SLC2A13: variants seen among roughly 807,000 people sequenced by gnomAD.
SLC2A13 encodes the protein solute carrier family 2 member 13.
In SLC2A13, 32 loss-of-function variants were observed where a neutral mutation model predicts 64.4. The observed-to-expected ratio is 0.50, with a 90% confidence interval of 0.37 to 0.67. SLC2A13 has a LOEUF of 0.67. Among genes scored for constraint, SLC2A13 ranks in the 30% least tolerant of loss-of-function variants. The probability of loss-of-function intolerance (pLI) is 0.00; values close to 1 mark genes in which losing one functional copy is unlikely to be tolerated. For missense variants in SLC2A13, 743 were observed against 829.2 expected (o/e 0.90, Z 1.28); for synonymous variants, 338 against 327.1 (o/e 1.03, Z -0.36).
At chr12:39,784,103 T>C (rs1024663777) in intron 7 of SLC2A13, among the ~76,000 whole-genome samples, 1 of 152,230 alleles carries the variant, frequency 6.6e-6, no homozygotes, top group African/African-American at 2.4e-5. Context: ...GAACATTCCA[T>C]GCTCATGGAT....
At chr12:39,775,315 T>C (rs1308579676) in intron 7 of SLC2A13, among the ~76,000 whole-genome samples, 1 of 152,236 alleles carries the variant, frequency 6.6e-6, no homozygotes, top group Non-Finnish European at 1.5e-5. Context: ...CGTAAGTTAC[T>C]TTCATTTTGG....
At chr12:40,075,669 G>A (rs1938142760) in intron 1 of SLC2A13, among the ~76,000 whole-genome samples, 1 of 152,094 alleles carries the variant, frequency 6.6e-6, no homozygotes, top group African/African-American at 2.4e-5. Flanking sequence ...TTCAGGCCTT[G>A]TATCTTTAAA....
At chr12:39,868,956 A>G (rs1456482328) in intron 5 of SLC2A13, among the ~76,000 whole-genome samples, 3 of 152,232 alleles carry the variant, frequency 2.0e-5, no homozygotes, top group African/African-American at 4.8e-5. Flanking sequence ...TCATCTTGAT[A>G]TAACATTTTT....
At chr12:39,778,098 T>C (rs576618339) in intron 7 of SLC2A13, among the ~76,000 whole-genome samples, 1 of 152,040 alleles carries the variant, frequency 6.6e-6, no homozygotes, top group East Asian at 1.9e-4. Flanking sequence ...CCCCTAGAGG[T>C]TTGAGCAGCA....
intron 3 of SLC2A13, among the ~76,000 whole-genome samples, chr12:39,965,130 C>A (rs1946485450): frequency 6.6e-6 from 1 of 152,148 alleles, no homozygotes; most frequent in Non-Finnish European, 1.5e-5. Flanking sequence ...TAACACAGTT[C>A]TATGTATTCC....
chr12:39,784,520 A>C (rs1303376861), intron 7 of SLC2A13, among the ~76,000 whole-genome samples: 2 of 152,244 alleles, frequency 1.3e-5, no homozygotes, highest in African/African-American at 4.8e-5. Flanking sequence ...CTCGCTAGCC[A>C]TATGTAGAAA....
intron 6 of SLC2A13, among the ~76,000 whole-genome samples, chr12:39,830,645 C>T (rs1025777576): frequency 6.6e-6 from 1 of 152,076 alleles, no homozygotes; most frequent in Non-Finnish European, 1.5e-5. Context: ...CCTCATACAC[C>T]ATCTATTTTA....
chr12:39,934,882 G>A (rs7969011), intron 4 of SLC2A13, among the ~76,000 whole-genome samples: 9,068 of 152,150 alleles, frequency 0.06, 442 homozygotes, highest in East Asian at 0.26. Context: ...TTCTCTTCCT[G>A]CCATGAATGG....
At chr12:40,094,886 G>A (rs570254870) in intron 1 of SLC2A13, among the ~76,000 whole-genome samples, 1 of 152,294 alleles carries the variant, frequency 6.6e-6, no homozygotes, top group East Asian at 1.9e-4. Flanking sequence ...TAGGAGACAG[G>A]GAGAGGCCTT....
intron 4 of SLC2A13, among the ~76,000 whole-genome samples, chr12:39,912,738 G>C (rs1945451327): frequency 6.6e-6 from 1 of 152,006 alleles, no homozygotes; most frequent in African/African-American, 2.4e-5. Context: ...CCATAGTGTG[G>C]GGCCATTGCC....
rs1448363631 is a variant in SLC2A13 at position 39,799,079 on chromosome 12, TC to T, written c.1445+31023del. On this transcript the variant is annotated intron_variant, in intron 7 of 9. Coordinates refer to ENST00000280871, the MANE Select transcript of SLC2A13 (RefSeq NM_052885.4). Reference sequence around the variant, plus strand: ...TTACTGTTCTGGTTTTTTTTTTTTTTCCTTTTTTTTTTTTTTTAGACTCAGA... The same window carrying T: ...TTACTGTTCTGGTTTTTTTTTTTTTTCTTTTTTTTTTTTTTTAGACTCAGA... Among the ~76,000 whole-genome samples the T allele has an allele frequency of 6.0e-5, 9 of 149,150 alleles. No homozygotes were observed. In the South Asian group the frequency reaches 6.3e-4, roughly 11 times the overall value.
At chr12:40,030,074 C>G (rs771471634) in intron 2 of SLC2A13, among the ~76,000 whole-genome samples, 7 of 152,170 alleles carry the variant, frequency 4.6e-5, no homozygotes, top group African/African-American at 1.7e-4. Context: ...ACATAAGCAC[C>G]TGTATATCTA....
intron 3 of SLC2A13, among the ~76,000 whole-genome samples, chr12:39,994,727 G>A (rs1447062007): frequency 6.6e-6 from 1 of 152,192 alleles, no homozygotes; most frequent in Non-Finnish European, 1.5e-5. Context: ...TGAATTTACT[G>A]TGTGACTCTG....
At chr12:39,944,932 T>G (rs192805956) in intron 4 of SLC2A13, among the ~76,000 whole-genome samples, 2 of 152,194 alleles carry the variant, frequency 1.3e-5, no homozygotes, top group Non-Finnish European at 2.9e-5. Context: ...TTCTTTTTAA[T>G]GTGCATTTTT....
At chr12:40,006,461 A>C (rs961179111) in intron 3 of SLC2A13, among the ~76,000 whole-genome samples, 4 of 152,262 alleles carry the variant, frequency 2.6e-5, no homozygotes, top group African/African-American at 9.6e-5. Flanking sequence ...AAAGCATGTA[A>C]AGCATTTGCC....
chr12:39,862,229 C>T (rs1592216652), intron 6 of SLC2A13, among the ~76,000 whole-genome samples: 2 of 152,244 alleles, frequency 1.3e-5, no homozygotes, highest in South Asian at 4.1e-4. Context: ...TTAGGGTTGT[C>T]GATCTCTTGA....
At chr12:40,104,402 A>T (rs1343199971) in intron 1 of SLC2A13, among the ~76,000 whole-genome samples, 4 of 152,216 alleles carry the variant, frequency 2.6e-5, no homozygotes, top group Non-Finnish European at 5.9e-5. Flanking sequence ...AAAAAAATTC[A>T]ACGCCAGGAG....
chr12:40,092,931 T>G (rs1242072899), intron 1 of SLC2A13, among the ~76,000 whole-genome samples: 8 of 152,206 alleles, frequency 5.3e-5, no homozygotes, highest in Non-Finnish European at 1.0e-4. Flanking sequence ...CCCACAAATC[T>G]GTCTGCCAGG....
At chr12:39,892,243 A>G (rs1164279874) in intron 4 of SLC2A13, among the ~76,000 whole-genome samples, 1 of 152,194 alleles carries the variant, frequency 6.6e-6, no homozygotes, top group Non-Finnish European at 1.5e-5. Context: ...CTATCTCATT[A>G]ATCTGCCTGT....
Sources: allele counts gnomAD v4.1 joint callset (sites outside exome capture counted in the v4.1 genomes callset), GRCh38; gene constraint gnomAD v4.1.1; transcripts MANE v1.5; gene names NCBI Gene and HGNC (gene_info 2026-07-23, HGNC 2026-07-21).